The following PLEKHA6 variants were observed in gnomAD, a reference collection of about 807,000 sequenced individuals.
PLEKHA6 encodes pleckstrin homology domain containing A6, also known as pleckstrin homology domain-containing family A member 6.
Under a neutral mutation model 116.7 loss-of-function variants are expected in PLEKHA6, and 60 were observed. The observed-to-expected ratio is 0.51, with a 90% CI of 0.42 to 0.64. The LOEUF is 0.64. Ranked by LOEUF, PLEKHA6 falls within the 30% of genes least tolerant of loss-of-function variation. The pLI is 0.00. For missense variants in PLEKHA6, 1,338 were observed against 1,422.7 expected, an observed-to-expected ratio of 0.94 and a Z score of 0.96; for synonymous variants, 489 against 556.1, an observed-to-expected ratio of 0.88 and a Z score of 1.70.
upstream of PLEKHA6, among the ~76,000 whole-genome samples, chr1:204,361,880 G>A (rs935683503): frequency 6.6e-6 from 1 of 152,218 alleles, no homozygotes; most frequent in South Asian, 2.1e-4. Flanking sequence ...AGGGAGGCCG[G>A]GGAGGGGGAC....
At chr1:204,373,290 C>T (rs1673810413) in intron 1 of PLEKHA6, among the ~76,000 whole-genome samples, 1 of 152,118 alleles carries the variant, frequency 6.6e-6, no homozygotes, top group South Asian at 2.1e-4. Flanking sequence ...CGGAGTTTCA[C>T]CATGTTGGCC....
intron 15 of PLEKHA6, among the ~76,000 whole-genome samples, chr1:204,243,909 C>T (rs1200222269): frequency 6.6e-6 from 1 of 152,138 alleles, no homozygotes; most frequent in Non-Finnish European, 1.5e-5. Context: ...CAAGCTCCGC[C>T]TCATGGGTTC....
At position 204,261,537 on chromosome 1, in the gene PLEKHA6, G is replaced by A. The variant is rs2102785916; in HGVS notation, c.382-89C>T. ...TTGGGAGAAGACACCAACGCCCACA[G>A]AATGGGCAGTCAGTTGGGCCATTCC... On this transcript the variant is annotated intron_variant, in intron 6 of 22. Coordinates refer to ENST00000272203, the MANE Select transcript of PLEKHA6 (RefSeq NM_014935.5). This position sits in a 1 kb window ranked among gnomAD's most constrained non-coding sequence, Gnocchi z 4.0. The A allele has an allele frequency of 7.1e-7, 1 of 1,408,848 alleles. No individual in the cohort carries two copies. Among genetic ancestry groups the A allele is most frequent in the South Asian group, 1.4e-5 (1 of 72,126 alleles). 87.3% of individuals were successfully genotyped at this position (1,408,848 alleles called of 1,614,324 possible).
intron 1 of PLEKHA6, chr1:204,282,597 A>G: frequency 1.0e-6 from 1 of 963,062 alleles, no homozygotes; most frequent in Admixed American, 6.2e-5. Context: ...TGGTTGATGA[A>G]TTATTGAATA....
chr1:204,265,376 C>G (rs1258942939), intron 5 of PLEKHA6, among the ~76,000 whole-genome samples: 1 of 152,216 alleles, frequency 6.6e-6, no homozygotes, highest in African/African-American at 2.4e-5. Flanking sequence ...CGTTCAGGCA[C>G]TGTTCTAAGT....
At chr1:204,365,412 T>G (rs960777392) in intron 3 of PLEKHA6, among the ~76,000 whole-genome samples, 1 of 152,096 alleles carries the variant, frequency 6.6e-6, no homozygotes, top group Non-Finnish European at 1.5e-5. Context: ...GCTATGGAGA[T>G]ATCGAGAAGT....
chr1:204,244,891 C>T lies in PLEKHA6; in HGVS notation c.2145G>A (p.Gly715=). 1.3e-6 allele frequency: 2 copies of T among 1,559,136 alleles called. No individual in the cohort carries two copies. Among genetic ancestry groups the T allele is most frequent in the African/African-American group, 1.4e-5 (1 of 72,916 alleles). Residue 715 remains glycine, a synonymous_variant, in exon 15 of 23, where the codon GGG becomes GGA. Coordinates refer to ENST00000272203, the MANE Select transcript of PLEKHA6 (RefSeq NM_014935.5). ...CGTTGGAGCCAGGCTTGGTGGGGGA[C>T]CCCTGAGAGCCCGACACCAGTGAAA... The part of the protein sequence containing the change: ...SPFSLVSGSQ[G]SPTKPGSNEP...
In PLEKHA6 at chr1:204,366,957, C is replaced by A. The variant is rs549442569; in HGVS notation, c.218+842G>T. ...TCCCTGCCCTGGCTAGACTGGGGCT[C>A]CCTCTGGTGGTGCCATTGCCCCAGG... On this transcript the variant is annotated intron_variant, in intron 3 of 4. Coordinates refer to the PLEKHA6 transcript ENST00000564627. Among the ~76,000 whole-genome samples, 18 of 152,268 alleles carry A rather than the reference C, an allele frequency of 1.2e-4. No individual in the cohort carries two copies. In the South Asian group the frequency reaches 2.7e-3, roughly 23 times the overall value.
chr1:204,354,239 A>G (rs1673359058), intron 1 of PLEKHA6, among the ~76,000 whole-genome samples: 1 of 152,154 alleles, frequency 6.6e-6, no homozygotes, highest in Non-Finnish European at 1.5e-5. Context: ...TAACCCGAGG[A>G]AGACATAGCT....
chr1:204,359,374 C>A (rs1457579090), intron 1 of PLEKHA6, among the ~76,000 whole-genome samples: 1 of 152,126 alleles, frequency 6.6e-6, no homozygotes, highest in African/African-American at 2.4e-5. Flanking sequence ...GCGTGGGGGA[C>A]CCCTGCTGGA....
intron 1 of PLEKHA6, among the ~76,000 whole-genome samples, chr1:204,328,473 T>C (rs1169379678): frequency 6.6e-6 from 1 of 151,722 alleles, no homozygotes; most frequent in African/African-American, 2.4e-5. Context: ...CTCGGCTCAC[T>C]GCAACCTCTG....
At chr1:204,335,358 C>T (rs1041849267) in intron 1 of PLEKHA6, among the ~76,000 whole-genome samples, 10 of 152,102 alleles carry the variant, frequency 6.6e-5, no homozygotes, top group African/African-American at 1.9e-4. Flanking sequence ...AACATATAGA[C>T]AGCCAGGCTG....
At chr1:204,313,324 C>A (rs1558174939) in intron 1 of PLEKHA6, among the ~76,000 whole-genome samples, 1 of 152,102 alleles carries the variant, frequency 6.6e-6, no homozygotes, top group Non-Finnish European at 1.5e-5. Flanking sequence ...ATAGTCAGGC[C>A]TCCCCACACA....
At chr1:204,290,942 T>C (rs1462554745) in intron 1 of PLEKHA6, among the ~76,000 whole-genome samples, 1 of 149,544 alleles carries the variant, frequency 6.7e-6, no homozygotes, top group East Asian at 2.0e-4. Flanking sequence ...TGAGCCAAGA[T>C]TGCATCACTG....
At chr1:204,291,849 GT>G (rs1177089679) in intron 1 of PLEKHA6, among the ~76,000 whole-genome samples, 2 of 152,070 alleles carry the variant, frequency 1.3e-5, no homozygotes, top group Admixed American at 1.3e-4. Flanking sequence ...TCTCAATTGT[GT>G]TTATGGTTTC....
chr1:204,275,859 G>A (rs114771919), intron 1 of PLEKHA6: 201 of 272,002 alleles, frequency 7.4e-4, no homozygotes, highest in African/African-American at 4.3e-3. Context: ...GAAATACTGT[G>A]AGAACCCAGA....
Position 204,261,258 on chromosome 1 carries a change from C to A in PLEKHA6, c.524+48G>T. 6.2e-7 allele frequency: 1 copy of A among 1,608,104 alleles called. No individual in the cohort carries two copies. The highest frequency in any genetic ancestry group is 8.5e-7 in the Non-Finnish European group (1 of 1,174,534). On this transcript the variant is annotated intron_variant, in intron 7 of 22. Coordinates refer to ENST00000272203, the MANE Select transcript of PLEKHA6 (RefSeq NM_014935.5). This position sits in a 1 kb window ranked among gnomAD's most constrained non-coding sequence, Gnocchi z 4.0. Reference sequence around the variant, plus strand: ...CCAGAGCTGGGTGTGTCTTCCATTCCCCTCTTTATTCTTCCTGCACCCCCA... The same window carrying A: ...CCAGAGCTGGGTGTGTCTTCCATTCACCTCTTTATTCTTCCTGCACCCCCA...
intron 1 of PLEKHA6, among the ~76,000 whole-genome samples, chr1:204,358,412 C>T (rs780133424): frequency 1.3e-5 from 2 of 152,178 alleles, no homozygotes; most frequent in African/African-American, 4.8e-5. Flanking sequence ...TGAAAGCTGG[C>T]GACTGAACCG....
intron 1 of PLEKHA6, among the ~76,000 whole-genome samples, chr1:204,336,477 T>A (rs1312514840): frequency 2.6e-5 from 4 of 152,212 alleles, no homozygotes; most frequent in African/African-American, 7.2e-5. Flanking sequence ...GTGATACAAG[T>A]CACTGGTGCC....
Sources: gnomAD v4.1 joint callset for allele counts (sites outside exome capture counted in the v4.1 genomes callset) on GRCh38, gnomAD v4.1.1 for gene constraint, Gnocchi (gnomAD v3.1) non-coding constraint, MANE v1.5 for transcripts, NCBI Gene and HGNC (gene_info 2026-07-23, HGNC 2026-07-21) for gene names.